FOCAD: variants seen among roughly 807,000 people sequenced by gnomAD.
The protein encoded by FOCAD is focadhesin.
FOCAD carries 198 observed loss-of-function variants against 225.6 expected under a neutral mutation model. That is an observed-to-expected ratio of 0.88 (90% CI 0.78 to 0.99). The LOEUF is 0.99. Among genes scored for constraint, FOCAD ranks in the 50% least tolerant of loss-of-function variants. The pLI, the probability that FOCAD is intolerant of heterozygous loss-of-function variation, is 0.00. For synonymous variants in FOCAD, 897 were observed against 755.0 expected (o/e 1.19, Z -3.08); for missense variants, 2,713 against 2,123.6 (o/e 1.28, Z -5.46).
At chr9:20,661,708 G>A (rs995647208) in intron 2 of FOCAD, among the ~76,000 whole-genome samples, 6 of 152,148 alleles carry the variant, frequency 3.9e-5, no homozygotes, top group Non-Finnish European at 8.8e-5. Flanking sequence ...GATACATTGA[G>A]TACATATTGC....
At chr9:20,757,401 A>G (rs769438596) in intron 5 of FOCAD, among the ~76,000 whole-genome samples, 6 of 151,956 alleles carry the variant, frequency 3.9e-5, no homozygotes, top group Non-Finnish European at 7.4e-5. Context: ...TTTTGGGGTT[A>G]AACCCCATTC....
In FOCAD at chr9:20,791,237, TCACACACACA is replaced by T. The variant is rs10652100; in HGVS notation, c.1455+1646_1455+1655del. Among the ~76,000 whole-genome samples, 4 of 148,594 alleles carry T rather than the reference TCACACACACA, an allele frequency of 2.7e-5. 1 individual carries two copies. The highest frequency in any genetic ancestry group is 4.3e-4 in the South Asian group (2 of 4,658). On this transcript the variant is annotated intron_variant, in intron 11 of 43. Transcript: ENST00000338382. ...TATGCATGCACACACACACACACAC[TCACACACACA>T]CACACACACACACACAGGAAATTTG...
chr9:20,706,606 A>T (rs902246608), intron 1 of FOCAD, among the ~76,000 whole-genome samples: 1 of 152,206 alleles, frequency 6.6e-6, no homozygotes, highest in African/African-American at 2.4e-5. Context: ...TTCTCACTTG[A>T]ACTCTGTCAT....
At position 20,741,581 on chromosome 9, in the gene FOCAD, T is replaced by G. The variant is rs554344029; in HGVS notation, c.392+1241T>G. ...AATGTGGTACAATGAATTAATTTATTTTTAAATAAGGGAAGCAAAAGGAAA... is the reference window on the plus strand; with the variant it reads ...AATGTGGTACAATGAATTAATTTATGTTTAAATAAGGGAAGCAAAAGGAAA... On this transcript the variant is annotated intron_variant, in intron 5 of 43. Coordinates refer to ENST00000338382, the MANE Select transcript of FOCAD (RefSeq NM_001375567.1). Among the ~76,000 whole-genome samples, 11 of 152,226 alleles carry G rather than the reference T, an allele frequency of 7.2e-5. No homozygotes were observed. In the South Asian group the frequency reaches 8.3e-4, roughly 11 times the overall value.
At chr9:20,805,125 C>T (rs995226669) in intron 11 of FOCAD, among the ~76,000 whole-genome samples, 1 of 152,146 alleles carries the variant, frequency 6.6e-6, no homozygotes, top group Non-Finnish European at 1.5e-5. Context: ...AGATTAAGCA[C>T]TTTAAGGTAC....
chr9:20,942,749 G>A (rs1046480093), intron 28 of FOCAD, among the ~76,000 whole-genome samples: 2 of 152,092 alleles, frequency 1.3e-5, no homozygotes, highest in Non-Finnish European at 2.9e-5. Context: ...AACAGAAAAG[G>A]TATACCCACC....
intron 25 of FOCAD, among the ~76,000 whole-genome samples, chr9:20,924,106 T>C (rs1268750400): frequency 1.3e-5 from 2 of 152,216 alleles, no homozygotes; most frequent in African/African-American, 4.8e-5. Flanking sequence ...AAATAAGCAG[T>C]GTTTATTGAC....
intron 15 of FOCAD, among the ~76,000 whole-genome samples, chr9:20,857,147 G>C (rs777438074): frequency 4.0e-5 from 6 of 151,842 alleles, no homozygotes; most frequent in Non-Finnish European, 7.4e-5. Context: ...ATTTTGATAG[G>C]GATTGCATTG....
intron 11 of FOCAD, among the ~76,000 whole-genome samples, chr9:20,807,074 C>T (rs754544776): frequency 6.6e-6 from 1 of 152,190 alleles, no homozygotes; most frequent in Non-Finnish European, 1.5e-5. Context: ...TTAAATTCAT[C>T]ATGTGGATTA....
intron 11 of FOCAD, among the ~76,000 whole-genome samples, chr9:20,804,328 C>G (rs1822176856): frequency 6.6e-6 from 1 of 151,932 alleles, no homozygotes; most frequent in South Asian, 2.1e-4. Context: ...AGTGGAATTT[C>G]ACTAGCTTGA....
At chr9:20,840,595 TG>T (rs1053630550) in intron 15 of FOCAD, among the ~76,000 whole-genome samples, 13 of 143,698 alleles carry the variant, frequency 9.0e-5, no homozygotes, top group African/African-American at 2.7e-4. Flanking sequence ...GATTTTTTAA[TG>T]TTTTTTTTTT....
intron 2 of FOCAD, among the ~76,000 whole-genome samples, chr9:20,716,564 C>G (rs1033814444): frequency 8.5e-5 from 13 of 152,066 alleles, no homozygotes; most frequent in African/African-American, 3.1e-4. Flanking sequence ...ATTTCTTTTT[C>G]TAGATATGAA....
intron 15 of FOCAD, among the ~76,000 whole-genome samples, chr9:20,861,180 T>C (rs1234421163): frequency 2.0e-5 from 3 of 152,364 alleles, no homozygotes; most frequent in South Asian, 4.1e-4. Context: ...TCATATCATA[T>C]ACCTTTTTGT....
At chr9:20,921,784 G>C (rs1834459535) in intron 24 of FOCAD, among the ~76,000 whole-genome samples, 1 of 152,140 alleles carries the variant, frequency 6.6e-6, no homozygotes, top group East Asian at 1.9e-4. Context: ...TGAAGGATTT[G>C]AAATAAAATA....
chr9:20,762,470 A>C (rs527646229), intron 6 of FOCAD, among the ~76,000 whole-genome samples: 1 of 152,176 alleles, frequency 6.6e-6, no homozygotes, highest in South Asian at 2.1e-4. Flanking sequence ...TTTTGTTTCC[A>C]TCATGTAGAT....
chr9:20,783,978 A>C (rs1226221311), intron 10 of FOCAD, among the ~76,000 whole-genome samples: 2 of 152,238 alleles, frequency 1.3e-5, no homozygotes, highest in Admixed American at 1.3e-4. Flanking sequence ...ATATTACAGT[A>C]GTAAATGTAG....
At chr9:20,667,475 T>A (rs1364594358) in intron 2 of FOCAD, among the ~76,000 whole-genome samples, 1 of 152,220 alleles carries the variant, frequency 6.6e-6, no homozygotes, top group Non-Finnish European at 1.5e-5. Flanking sequence ...AAGTACCCAA[T>A]AAATGGCAGA....
chr9:20,751,317 C>CA (rs1563943769), intron 5 of FOCAD, among the ~76,000 whole-genome samples: 1 of 121,864 alleles, frequency 8.2e-6, no homozygotes, highest in Non-Finnish European at 1.7e-5. Flanking sequence ...CCCCTCCCCC[C>CA]ACCCCACAAC....
intron 4 of FOCAD, among the ~76,000 whole-genome samples, chr9:20,739,622 CT>C (rs1239043948): frequency 1.3e-5 from 2 of 151,314 alleles, no homozygotes; most frequent in African/African-American, 4.8e-5. Flanking sequence ...AAAAAAATTA[CT>C]TTTTAAATTT....
Sources: allele counts gnomAD v4.1 joint callset (sites outside exome capture counted in the v4.1 genomes callset), GRCh38; gene constraint gnomAD v4.1.1; transcripts MANE v1.5; gene names NCBI Gene and HGNC (gene_info 2026-07-23, HGNC 2026-07-21).